Variants in TPTE2 observed in about 807,000 individuals in gnomAD.
TPTE2 encodes the protein transmembrane phosphoinositide 3-phosphatase and tensin homolog 2.
A neutral mutation model predicts 78.6 loss-of-function variants in TPTE2; 53 were observed. The observed-to-expected ratio is 0.67, with a 90% confidence interval of 0.54 to 0.85. The LOEUF (loss-of-function observed/expected upper bound fraction) is 0.85. TPTE2 is among the 40% of genes least tolerant of loss of function. The pLI, the probability that TPTE2 is intolerant of heterozygous loss-of-function variation, is 0.00. For missense variants in TPTE2, 461 were observed against 623.0 expected, an observed-to-expected ratio of 0.74 and a Z score of 2.77; for synonymous variants, 175 against 206.2, an observed-to-expected ratio of 0.85 and a Z score of 1.30.
intron 1 of TPTE2, among the ~76,000 whole-genome samples, chr13:19,498,975 CA>C (rs1352189756): frequency 6.6e-6 from 1 of 151,190 alleles, no homozygotes; most frequent in Non-Finnish European, 1.5e-5. Flanking sequence ...AAATGGAAAA[CA>C]AAAAAAGGCA....
chr13:19,548,555 CA>C, the TPTE2 span, among the ~76,000 whole-genome samples: 10 of 151,422 alleles, frequency 6.6e-5, no homozygotes, highest in African/African-American at 2.2e-4. Flanking sequence ...AGAATACAAA[CA>C]AAAGTGTGAT....
chr13:19,475,495 G>C, intron 5 of TPTE2, 78 bp downstream of exon 8: 5 of 1,522,746 alleles, frequency 3.3e-6, no homozygotes, highest in Non-Finnish European at 4.5e-6. Flanking sequence ...CAGAGTGCTG[G>C]GATTACAGGC....
At chr13:19,513,231 G>A (rs1423824073) in intron 1 of TPTE2, among the ~76,000 whole-genome samples, 1 of 152,100 alleles carries the variant, frequency 6.6e-6, no homozygotes, top group African/African-American at 2.4e-5. Flanking sequence ...AACATCAAAT[G>A]CAAAAATATA....
chr13:19,482,217 A>G (rs1880398947), intron 4 of TPTE2, among the ~76,000 whole-genome samples: 1 of 152,116 alleles, frequency 6.6e-6, no homozygotes, highest in South Asian at 2.1e-4. Flanking sequence ...TTTTTTAAAA[A>G]AAAACTTTTA....
intron 13 of TPTE2, among the ~76,000 whole-genome samples, chr13:19,440,330 T>C (rs1286340208): frequency 6.6e-6 from 1 of 152,110 alleles, no homozygotes; most frequent in Non-Finnish European, 1.5e-5. Context: ...AACCAATAAA[T>C]GTGATTCACC....
chr13:19,549,737 GA>G, the TPTE2 span, among the ~76,000 whole-genome samples: 5 of 79,522 alleles, frequency 6.3e-5, 2 homozygotes, highest in Non-Finnish European at 1.8e-4. Flanking sequence ...CAATAACAAA[GA>G]CATGGAATAA....
At chr13:19,468,450 C>A (rs879715289) in intron 6 of TPTE2, among the ~76,000 whole-genome samples, 2 of 152,134 alleles carry the variant, frequency 1.3e-5, no homozygotes, top group Admixed American at 6.6e-5. Context: ...CAAATCTTAG[C>A]CATTATGAAC....
chr13:19,475,374 T>C (rs1339241965), intron 5 of TPTE2, among the ~76,000 whole-genome samples, 199 bp downstream of exon 8: 1 of 152,128 alleles, frequency 6.6e-6, no homozygotes, highest in East Asian at 1.9e-4. Flanking sequence ...TACAGGCACC[T>C]GCCATTATGC....
chr13:19,558,498 T>C, the TPTE2 span, among the ~76,000 whole-genome samples: 3 of 152,242 alleles, frequency 2.0e-5, no homozygotes, highest in Admixed American at 1.3e-4. Flanking sequence ...GTGAACAACC[T>C]GTTTCTTTAC....
the TPTE2 span, among the ~76,000 whole-genome samples, chr13:19,558,422 C>G: frequency 1.1e-4 from 16 of 152,166 alleles, no homozygotes; most frequent in Admixed American, 5.2e-4. Flanking sequence ...TGGTAAACTA[C>G]TACATCTTTT....
At position 19,469,786 on chromosome 13, in the gene TPTE2, T is replaced by C. The variant is rs543446314; in HGVS notation, c.393-2442A>G. ...AGGTATTTAATTTTATTTGTGGCTA[T>C]TGCATATAGGACCACTTTTTAAATG... On this transcript the variant is annotated intron_variant, in intron 6 of 19. Transcript: ENST00000400230. Among the ~76,000 whole-genome samples, 41 of 152,316 alleles carry C rather than the reference T, an allele frequency of 2.7e-4. 1 individual carries two copies. The South Asian group carries it at 7.9e-3, about 29-fold the overall frequency.
At chr13:19,497,943 A>G (rs1881493421) in intron 1 of TPTE2, among the ~76,000 whole-genome samples, 1 of 151,856 alleles carries the variant, frequency 6.6e-6, no homozygotes, top group East Asian at 1.9e-4. Flanking sequence ...ACCAATACAG[A>G]GAAGTGCTTA....
chr13:19,561,279 G>A, the TPTE2 span: 7 of 1,120,428 alleles, frequency 6.2e-6, no homozygotes, highest in Admixed American at 7.6e-5. Flanking sequence ...CCTGACACGC[G>A]GCTGCCCTCC....
At chr13:19,474,772 A>C (rs1879833692) in intron 5 of TPTE2, among the ~76,000 whole-genome samples, 1 of 152,218 alleles carries the variant, frequency 6.6e-6, no homozygotes, top group Non-Finnish European at 1.5e-5. Flanking sequence ...TTGCAGCTCA[A>C]ATTCAAATAT....
At chr13:19,477,927 C>T (rs1880073568) in intron 4 of TPTE2, among the ~76,000 whole-genome samples, 1 of 152,192 alleles carries the variant, frequency 6.6e-6, no homozygotes, top group African/African-American at 2.4e-5. Flanking sequence ...CATGAAGCAA[C>T]ACGAAGCATA....
intron 1 of TPTE2, among the ~76,000 whole-genome samples, chr13:19,514,011 G>C (rs1397016770): frequency 1.3e-5 from 2 of 152,154 alleles, no homozygotes; most frequent in Admixed American, 6.5e-5. Context: ...TGGGGCACCA[G>C]CTCTGAAGGG....
intron 4 of TPTE2, among the ~76,000 whole-genome samples, chr13:19,475,887 G>C (rs1197017136): frequency 6.6e-6 from 1 of 152,072 alleles, no homozygotes; most frequent in Non-Finnish European, 1.5e-5. Context: ...CAACTTTATG[G>C]CAATACTAAA....
At chr13:19,558,338 C>T in the TPTE2 span, among the ~76,000 whole-genome samples, 1 of 152,180 alleles carries the variant, frequency 6.6e-6, no homozygotes, top group South Asian at 2.1e-4. Context: ...CTGTGAACCA[C>T]CATACCTATT....
At chr13:19,469,369 G>A (rs1379168472) in intron 6 of TPTE2, among the ~76,000 whole-genome samples, 1 of 152,098 alleles carries the variant, frequency 6.6e-6, no homozygotes, top group African/African-American at 2.4e-5. Flanking sequence ...TCTCTATTCT[G>A]TTCCAGTGGT....
Sources: allele counts gnomAD v4.1 joint callset (sites outside exome capture counted in the v4.1 genomes callset), GRCh38; gene constraint gnomAD v4.1.1; transcripts MANE v1.5; gene names NCBI Gene and HGNC (gene_info 2026-07-23, HGNC 2026-07-21).